Variants in KCNN2 observed in about 807,000 individuals in gnomAD.
The protein encoded by KCNN2 is potassium calcium-activated channel subfamily N member 2, also known as small conductance calcium-activated potassium channel protein 2.
Under a neutral mutation model 55.5 loss-of-function variants are expected in KCNN2, and 24 were observed. The observed-to-expected ratio is 0.43, with a 90% CI of 0.31 to 0.61. The LOEUF (loss-of-function observed/expected upper bound fraction) is 0.61. Among genes scored for constraint, KCNN2 ranks in the 20% least tolerant of loss-of-function variants. KCNN2 has a pLI of 0.08. For missense variants in KCNN2, 754 were observed against 853.6 expected, an observed-to-expected ratio of 0.88 and a Z score of 1.45; for synonymous variants, 431 against 336.1, an observed-to-expected ratio of 1.28 and a Z score of -3.09.
chr5:114,346,171 C>T (rs557910318), intron 2 of KCNN2, among the ~76,000 whole-genome samples: 3 of 152,280 alleles, frequency 2.0e-5, no homozygotes, highest in Admixed American at 2.0e-4. Flanking sequence ...GGAGCATAAA[C>T]TTAAATAATC....
intron 2 of KCNN2, among the ~76,000 whole-genome samples, chr5:114,236,124 C>G (rs759826037): frequency 6.6e-6 from 1 of 152,130 alleles, no homozygotes; most frequent in African/African-American, 2.4e-5. Context: ...CTTTTCTCCT[C>G]TTTAGGTTTT....
At chr5:114,285,283 CAAAAAAAAAAAAA>C (rs70976334) in intron 2 of KCNN2, among the ~76,000 whole-genome samples, 1 of 56,292 alleles carries the variant, frequency 1.8e-5, no homozygotes, top group Middle Eastern at 0.019. Context: ...ACTCCATCTC[CAAAAAAAAAAAAA>C]AAAAAAAAAA....
chr5:114,429,818 C>T (rs375786611), intron 3 of KCNN2, among the ~76,000 whole-genome samples: 70 of 71,216 alleles, frequency 9.8e-4, no homozygotes, highest in South Asian at 1.7e-3. Context: ...TATATAGATG[C>T]TTTTTTTTTT....
chr5:114,399,935 T>TG lies in KCNN2; in HGVS notation c.1219-4503_1219-4502insG, dbSNP rs376740839. ...CTTTGAGGGTTTTTTTTTTTGTTTT[T>TG]TTTTTTTGTATTTCTATGTGGTTGG... On this transcript the variant is annotated intron_variant, in intron 2 of 7. Transcript: ENST00000673685. 2.8e-4 allele frequency among the ~76,000 whole-genome samples: 42 copies of TG among 150,506 alleles called. 1 individual carries two copies. Among genetic ancestry groups the TG allele is most frequent in the African/African-American group, 1.0e-3 (41 of 40,774 alleles).
chr5:114,379,449 TAGA>T (rs1561596262), intron 2 of KCNN2, among the ~76,000 whole-genome samples: 7,827 of 135,924 alleles, frequency 0.058, 533 homozygotes, highest in South Asian at 0.083. Context: ...TATATATTTA[TAGA>T]ATATATTATA....
At chr5:114,255,488 G>GTAGC (rs1395202730) in intron 2 of KCNN2, among the ~76,000 whole-genome samples, 1 of 152,166 alleles carries the variant, frequency 6.6e-6, no homozygotes, top group Non-Finnish European at 1.5e-5. Context: ...ATGTAGAGAG[G>GTAGC]TAGCGGTGAG....
chr5:114,087,746 G>T (rs1340488029), intron 1 of KCNN2, among the ~76,000 whole-genome samples: 1 of 151,588 alleles, frequency 6.6e-6, no homozygotes, highest in Non-Finnish European at 1.5e-5. Context: ...ATTCCATTGT[G>T]TCTTCTCTCT....
chr5:114,275,098 G>T lies in KCNN2; in HGVS notation c.-185+53533G>T, dbSNP rs560151488. 3.9e-5 allele frequency among the ~76,000 whole-genome samples: 6 copies of T among 152,248 alleles called. No homozygotes were observed. The East Asian group carries it at 7.7e-4, about 20-fold the overall frequency. On this transcript the variant is annotated intron_variant, in intron 2 of 10. Transcript: ENST00000512097. Reference sequence around the variant, plus strand: ...CTCCATCTATTGAGATAATTATGTGGTTTTTGTCATTCGATCTGTTTATGT... The same window carrying T: ...CTCCATCTATTGAGATAATTATGTGTTTTTTGTCATTCGATCTGTTTATGT...
Position 114,426,621 on chromosome 5 carries a change from T to A in KCNN2, c.1637+21765T>A, listed in dbSNP as rs1204181055. On this transcript the variant is annotated intron_variant, in intron 3 of 7. Coordinates refer to ENST00000673685, the MANE Select transcript of KCNN2 (RefSeq NM_021614.4). Reference sequence around the variant, plus strand: ...GATGATTTTATAGGCCTCTCATTTTTAAAATTTATGCTGAATATGAATATT... The same window carrying A: ...GATGATTTTATAGGCCTCTCATTTTAAAAATTTATGCTGAATATGAATATT... Among the ~76,000 whole-genome samples, 36 of 152,348 alleles carry A rather than the reference T, an allele frequency of 2.4e-4. 1 individual carries two copies. Among genetic ancestry groups the A allele is most frequent in the Admixed American group, 2.4e-3 (36 of 15,300 alleles).
intron 2 of KCNN2, among the ~76,000 whole-genome samples, chr5:114,372,355 TTGAACTCTA>T (rs536278284): frequency 5.3e-4 from 81 of 152,292 alleles, no homozygotes; most frequent in Non-Finnish European, 9.8e-4. Context: ...TCCATGATGT[TTGAACTCTA>T]TGAACTCTAT....
chr5:114,056,613 C>T, intron 1 of KCNN2: 1 of 393,034 alleles, frequency 2.5e-6, no homozygotes, highest in East Asian at 3.6e-5. Context: ...CCTCCCCTCC[C>T]TCTTGCTTAC....
chr5:114,386,766 C>G (rs1444723777), intron 2 of KCNN2, among the ~76,000 whole-genome samples: 1 of 152,196 alleles, frequency 6.6e-6, no homozygotes, highest in East Asian at 1.9e-4. Flanking sequence ...GAGTAGTTGA[C>G]TAACATGTCA....
chr5:114,376,851 GGA>G (rs1757962735), intron 2 of KCNN2, among the ~76,000 whole-genome samples: 1 of 152,146 alleles, frequency 6.6e-6, no homozygotes, highest in Non-Finnish European at 1.5e-5. Flanking sequence ...GGGAGGCTGA[GGA>G]GAGAGGATTG....
At chr5:114,219,453 G>T (rs1231816953) in intron 1 of KCNN2, among the ~76,000 whole-genome samples, 1 of 152,128 alleles carries the variant, frequency 6.6e-6, no homozygotes, top group African/African-American at 2.4e-5. Context: ...AGCTGAAAAG[G>T]GTACGGGGTG....
intron 1 of KCNN2, among the ~76,000 whole-genome samples, chr5:114,076,077 G>A (rs764685296): frequency 3.5e-4 from 54 of 152,340 alleles, no homozygotes; most frequent in Non-Finnish European, 7.1e-4. Flanking sequence ...AATATGCCCT[G>A]ATACTGCTGT....
At chr5:114,099,817 G>T (rs901811449) in intron 1 of KCNN2, among the ~76,000 whole-genome samples, 1 of 151,886 alleles carries the variant, frequency 6.6e-6, no homozygotes, top group South Asian at 2.1e-4. Context: ...CGTTTGAATT[G>T]ATTTATATTT....
At chr5:114,491,770 A>T (rs761416223) in intron 6 of KCNN2, among the ~76,000 whole-genome samples, 2 of 152,148 alleles carry the variant, frequency 1.3e-5, no homozygotes, top group Non-Finnish European at 2.9e-5. Context: ...GTCCAGTTAG[A>T]GTAAGGATGG....
intron 3 of KCNN2, among the ~76,000 whole-genome samples, chr5:114,440,755 A>G (rs914324887): frequency 6.6e-6 from 1 of 152,146 alleles, no homozygotes; most frequent in Non-Finnish European, 1.5e-5. Flanking sequence ...TATAACCTGT[A>G]AAGTAATAAA....
At chr5:114,173,604 T>A (rs1331259583) in intron 1 of KCNN2, among the ~76,000 whole-genome samples, 1 of 150,724 alleles carries the variant, frequency 6.6e-6, no homozygotes, top group Admixed American at 6.6e-5. Flanking sequence ...TTAACAATAT[T>A]GATTCTTCCA....
Sources: allele counts gnomAD v4.1 joint callset (sites outside exome capture counted in the v4.1 genomes callset), GRCh38; gene constraint gnomAD v4.1.1; transcripts MANE v1.5; gene names NCBI Gene and HGNC (gene_info 2026-07-23, HGNC 2026-07-21).